ARMH3: variants seen among roughly 807,000 people sequenced by gnomAD.
ARMH3 encodes the protein armadillo-like helical domain-containing protein 3.
Under a neutral mutation model 99.1 loss-of-function variants are expected in ARMH3, and 60 were observed. The observed-to-expected ratio is 0.61, with a 90% CI of 0.49 to 0.75. ARMH3 has a LOEUF of 0.75. Among genes scored for constraint, ARMH3 ranks in the 30% least tolerant of loss-of-function variants. ARMH3 has a pLI of 0.00. For missense variants in ARMH3, 679 were observed against 843.1 expected (o/e 0.81, Z 2.41); for synonymous variants, 285 against 292.8 (o/e 0.97, Z 0.27).
chr10:101,929,234 T>C (rs1285985555), intron 23 of ARMH3, among the ~76,000 whole-genome samples: 2 of 152,198 alleles, frequency 1.3e-5, no homozygotes, highest in Non-Finnish European at 2.9e-5. Flanking sequence ...TAAAGCTCAA[T>C]ATGCAGACCT....
At chr10:101,934,346 TG>T (rs1216209507) in intron 23 of ARMH3, among the ~76,000 whole-genome samples, 1 of 152,096 alleles carries the variant, frequency 6.6e-6, no homozygotes, top group Non-Finnish European at 1.5e-5. Context: ...ACTTTGGCAC[TG>T]GAACAAAAAG....
chr10:101,867,367 A>G (rs1253726644), intron 24 of ARMH3, among the ~76,000 whole-genome samples: 3 of 152,230 alleles, frequency 2.0e-5, no homozygotes, highest in African/African-American at 7.2e-5. Context: ...TGGGTGCCCC[A>G]AAGATGTCTC....
At chr10:101,922,067 G>A (rs1237025460) in intron 23 of ARMH3, among the ~76,000 whole-genome samples, 2 of 152,136 alleles carry the variant, frequency 1.3e-5, no homozygotes, top group Admixed American at 6.5e-5. Flanking sequence ...TCATTATACA[G>A]TCTATGCATG....
chr10:101,869,529 T>TTTTA (rs1413941981), intron 24 of ARMH3, among the ~76,000 whole-genome samples: 3 of 152,088 alleles, frequency 2.0e-5, no homozygotes, highest in African/African-American at 7.2e-5. Flanking sequence ...TGAGAAAATA[T>TTTTA]TTTAAACTGA....
intron 1 of ARMH3, among the ~76,000 whole-genome samples, chr10:102,045,503 C>T (rs901149131): frequency 4.6e-5 from 7 of 152,092 alleles, no homozygotes; most frequent in Non-Finnish European, 7.3e-5. Flanking sequence ...GAAAATTGTT[C>T]GAGATGGAAT....
At chr10:101,861,877 CAAAAAAAA>C (rs36095929) in intron 24 of ARMH3, among the ~76,000 whole-genome samples, 9 of 93,996 alleles carry the variant, frequency 9.6e-5, no homozygotes, top group African/African-American at 1.7e-4. Context: ...CTAAAAATAC[CAAAAAAAA>C]AAAAAAAAAA....
intron 24 of ARMH3, among the ~76,000 whole-genome samples, chr10:101,863,072 G>A (rs1589923497): frequency 3.3e-5 from 5 of 152,150 alleles, no homozygotes; most frequent in East Asian, 3.9e-4. Flanking sequence ...GCATGGTGGC[G>A]CATGCCTGTA....
chr10:101,919,667 C>T (rs1843227343), intron 23 of ARMH3, among the ~76,000 whole-genome samples: 1 of 152,118 alleles, frequency 6.6e-6, no homozygotes, highest in Non-Finnish European at 1.5e-5. Context: ...ACGAAACATT[C>T]AATACTTACT....
At chr10:101,889,766 T>A (rs904580962) in intron 23 of ARMH3, 4 of 379,996 alleles carry the variant, frequency 1.1e-5, no homozygotes, top group Non-Finnish European at 1.5e-5. Context: ...ACAAAAATAT[T>A]GAGTCCTTCA....
chr10:101,884,744 C>T (rs2067498432), intron 24 of ARMH3, among the ~76,000 whole-genome samples: 1 of 151,328 alleles, frequency 6.6e-6, no homozygotes, highest in Non-Finnish European at 1.5e-5. Context: ...GGATTTGACA[C>T]CAAAAGCACA....
chr10:102,019,879 G>T (rs2066839448), intron 8 of ARMH3, among the ~76,000 whole-genome samples: 1 of 145,544 alleles, frequency 6.9e-6, no homozygotes, highest in African/African-American at 2.6e-5. Flanking sequence ...AGTGAGCCAA[G>T]ATCACGCCAC....
chr10:101,935,864 T>C (rs920354867), intron 23 of ARMH3, among the ~76,000 whole-genome samples: 8 of 152,228 alleles, frequency 5.3e-5, no homozygotes, highest in African/African-American at 1.9e-4. Context: ...TCTCTATCCT[T>C]GATCATCAAC....
chr10:101,847,311 C>T lies in ARMH3; in HGVS notation c.*217G>A. The T allele has an allele frequency of 3.9e-6, 2 of 517,046 alleles. No homozygotes were observed. Among genetic ancestry groups the T allele is most frequent in the Non-Finnish European group, 7.0e-6 (2 of 285,646 alleles). The allele number at this position is 517,046 out of a possible 1,614,324, so 32.0% of individuals were successfully genotyped here. A position where few individuals can be genotyped will look rare whatever the true frequency, so the allele number is the denominator to read the frequency against. On this transcript the variant is annotated 3_prime_UTR_variant, in exon 26 of 26. Transcript: ENST00000370033. The stretch of plus-strand genomic sequence containing the variant: ...CCCCACATTCCTGGAGGCCTCTCCC[C>T]ACTGTGCCCACCCATTCCTCCCCAA...
chr10:102,007,307 A>G (rs994378946), intron 13 of ARMH3, among the ~76,000 whole-genome samples: 2 of 151,364 alleles, frequency 1.3e-5, no homozygotes, highest in Non-Finnish European at 1.5e-5. Context: ...TTCCCATTAC[A>G]TAAGTTTTTC....
chr10:102,014,440 T>A (rs2066699164), intron 8 of ARMH3, among the ~76,000 whole-genome samples: 1 of 152,232 alleles, frequency 6.6e-6, no homozygotes, highest in Admixed American at 6.5e-5. Flanking sequence ...CTTCTTGCCA[T>A]AAGGCACATA....
intron 24 of ARMH3, among the ~76,000 whole-genome samples, chr10:101,867,800 C>T (rs1474181043): frequency 6.6e-6 from 1 of 151,612 alleles, no homozygotes; most frequent in East Asian, 1.9e-4. Flanking sequence ...TGAATGCGCC[C>T]CAGCTTGTAT....
At chr10:102,046,209 T>C (rs1393801099) in intron 1 of ARMH3, among the ~76,000 whole-genome samples, 1 of 148,996 alleles carries the variant, frequency 6.7e-6, no homozygotes, top group Non-Finnish European at 1.5e-5. Flanking sequence ...ATCAACCCTA[T>C]GATCCAGAAA....
At chr10:101,903,837 T>C (rs2068036582) in intron 23 of ARMH3, among the ~76,000 whole-genome samples, 1 of 152,220 alleles carries the variant, frequency 6.6e-6, no homozygotes, top group South Asian at 2.1e-4. Context: ...GACCTCTGCC[T>C]GTTGGGGTCC....
intron 1 of ARMH3, among the ~76,000 whole-genome samples, chr10:102,046,289 AG>A (rs1461347534): frequency 3.3e-5 from 5 of 151,740 alleles, no homozygotes; most frequent in African/African-American, 1.2e-4. Flanking sequence ...AGAGGGAGAG[AG>A]AGAAAGAAAG....
Sources: allele counts gnomAD v4.1 joint callset (sites outside exome capture counted in the v4.1 genomes callset), GRCh38; gene constraint gnomAD v4.1.1; transcripts MANE v1.5; gene names NCBI Gene and HGNC (gene_info 2026-07-23, HGNC 2026-07-21).